MAP7D1: variants seen among roughly 807,000 people sequenced by gnomAD.
The protein encoded by MAP7D1 is MAP7 domain-containing protein 1.
A neutral mutation model predicts 97.5 loss-of-function variants in MAP7D1; 30 were observed. That is an observed-to-expected ratio of 0.31 (90% CI 0.23 to 0.42). The LOEUF is 0.42. MAP7D1 is among the 10% of genes least tolerant of loss of function. The pLI is 1.00. For synonymous variants in MAP7D1, 536 were observed against 477.1 expected (o/e 1.12, Z -1.61); for missense variants, 1,184 against 1,179.5 (o/e 1.00, Z -0.06).
intron 13 of MAP7D1, 78 bp downstream of exon 13, chr1:36,179,393 C>T: frequency 6.3e-7 from 1 of 1,585,976 alleles, no homozygotes; most frequent in South Asian, 1.1e-5. Context: ...GCATCCATGG[C>T]CACGGAGAGC....
chr1:36,172,466 G>A lies in MAP7D1; in HGVS notation c.463G>A (p.Ala155Thr), dbSNP rs1193917927. The A allele has an allele frequency of 3.2e-6, 5 of 1,572,982 alleles. No individual in the cohort carries two copies. In the South Asian group the frequency reaches 3.4e-5, roughly 11 times the overall value. The change falls in exon 4 of 17, where the codon GCC (alanine) becomes ACC (threonine). Residue 155 changes from alanine to threonine, a missense_variant and splice_region_variant. Ala to Thr is a moderately conservative substitution (Grantham distance 58). Transcript: ENST00000474796. ...CCACTGGGCTCCTTTGTCCACAGCG[G>A]CCAAGAAGGCAGTGTGGCTGGAGAA... ...RREERAKYLA[A>T]KKAVWLEKEE...
chr1:36,175,121 C>T (rs1644600519), intron 6 of MAP7D1, 113 bp downstream of exon 6: 5 of 698,162 alleles, frequency 7.2e-6, no homozygotes, highest in Non-Finnish European at 1.0e-5. Flanking sequence ...ACTCCAGGTC[C>T]CCATCCCCAC....
chr1:36,178,223 G>C (rs1246657458), intron 9 of MAP7D1, 22 bp downstream of exon 9: 2 of 1,528,458 alleles, frequency 1.3e-6, no homozygotes, highest in South Asian at 1.2e-5. Flanking sequence ...GAGAGGGGAG[G>C]GGTGGGCCGA....
chr1:36,162,189 G>A (rs886206569), intron 1 of MAP7D1, among the ~76,000 whole-genome samples: 1 of 152,040 alleles, frequency 6.6e-6, no homozygotes, highest in African/African-American at 2.4e-5. Flanking sequence ...CACCCCCCAC[G>A]CCACAACCAG....
rs1644624412 is a variant in MAP7D1, at chr1:36,176,484, T to G, written c.1136T>G (p.Val379Gly). 1.4e-6 allele frequency: 2 copies of G among 1,420,928 alleles called. No individual in the cohort carries two copies. Among genetic ancestry groups the G allele is most frequent in the Non-Finnish European group, 1.8e-6 (2 of 1,090,366 alleles). The allele number at this position is 1,420,928 out of a possible 1,614,324, so 88.0% of individuals were successfully genotyped here. A position where few individuals can be genotyped will look rare whatever the true frequency, so the allele number is the denominator to read the frequency against. Residue 379 changes from valine to glycine, a missense_variant, in exon 7 of 17, where the codon GTG (valine) becomes GGG (glycine). Coordinates refer to ENST00000474796, the MANE Select transcript of MAP7D1 (RefSeq NM_001388490.1). The surrounding 1 kb of genome is among the most constrained non-coding windows in gnomAD (Gnocchi z 6.1). ...ACGCCGTGCAGCGTCACCCGAAGCG[T>G]GCACCGCTGCGCCCCCGCCGGTGAG... ...PLTPCSVTRS[V>G]HRCAPAGERG...
chr1:36,169,459 G>C (rs1644513840), intron 1 of MAP7D1, among the ~76,000 whole-genome samples: 1 of 152,116 alleles, frequency 6.6e-6, no homozygotes, highest in African/African-American at 2.4e-5. Flanking sequence ...GGGAAGCTGA[G>C]GCAGGAGAAT....
At chr1:36,166,679 G>A (rs1019179566) in intron 1 of MAP7D1, among the ~76,000 whole-genome samples, 9 of 152,112 alleles carry the variant, frequency 5.9e-5, no homozygotes, top group Non-Finnish European at 1.2e-4. Flanking sequence ...GTGAGCCACC[G>A]CACCCGGCCA....
intron 1 of MAP7D1, 70 bp downstream of exon 1, chr1:36,156,533 C>T: frequency 7.8e-7 from 1 of 1,274,740 alleles, no homozygotes; most frequent in South Asian, 1.9e-5. Flanking sequence ...GAGGATGAGG[C>T]CGGCCGGCTG....
At chr1:36,175,112 C>A in intron 6 of MAP7D1, 104 bp downstream of exon 6, 1 of 679,828 alleles carries the variant, frequency 1.5e-6, no homozygotes, top group Non-Finnish European at 2.4e-6. Flanking sequence ...CCCTCACATA[C>A]TCCAGGTCCC....
At chr1:36,179,181 C>T (rs768163107) in intron 12 of MAP7D1, 81 bp from the exon 13 acceptor site, 1 of 1,555,036 alleles carries the variant, frequency 6.4e-7, no homozygotes, top group Non-Finnish European at 8.8e-7. Context: ...GGCCCTAAGA[C>T]TCCGAGGCCG....
Position 36,176,326 on chromosome 1 carries a change from G to A in MAP7D1, c.978G>A (p.Arg326=). ...CCCGCAACGGCCGGGACCAGGGTAG[G>A]GGCTGCGACCCTGGGAGAGGCCCCA... ...TLPRNGRDQG[R]GCDPGRGPTW... is the part of the protein sequence containing the mutation. Residue 326 remains arginine (R), a synonymous_variant, in exon 7 of 17, where the codon AGG becomes AGA. Coordinates refer to ENST00000474796, the MANE Select transcript of MAP7D1 (RefSeq NM_001388490.1). The surrounding 1 kb of genome is among the most constrained non-coding windows in gnomAD (Gnocchi z 6.1). 6.5e-7 allele frequency: 1 copy of A among 1,539,828 alleles called. No individual in the cohort carries two copies. Among genetic ancestry groups the A allele is most frequent in the East Asian group, 2.5e-5 (1 of 40,466 alleles).
At chr1:36,167,535 T>G (rs1644488027) in intron 1 of MAP7D1, among the ~76,000 whole-genome samples, 1 of 152,146 alleles carries the variant, frequency 6.6e-6, no homozygotes, top group Non-Finnish European at 1.5e-5. Flanking sequence ...GGGCAGGTGC[T>G]GCTTACCAAG....
At chr1:36,167,106 T>C (rs1331671191) in intron 1 of MAP7D1, among the ~76,000 whole-genome samples, 1 of 152,052 alleles carries the variant, frequency 6.6e-6, no homozygotes, top group Non-Finnish European at 1.5e-5. Flanking sequence ...TCAGCAGTGA[T>C]GGTATTTAAA....
At chr1:36,175,536 A>G (rs1187555132) in intron 6 of MAP7D1, among the ~76,000 whole-genome samples, 1 of 152,220 alleles carries the variant, frequency 6.6e-6, no homozygotes, top group Non-Finnish European at 1.5e-5. Flanking sequence ...TAGCCCCTGC[A>G]TTCCCACCAT....
Position 36,180,401 on chromosome 1 carries a change from A to T in MAP7D1, c.*143A>T. ...GTCCTCTCTGTTGTTTTTAATCTGC[A>T]CCTTATAGACTGATGTCTCTTTGGC... On this transcript the variant is annotated 3_prime_UTR_variant, in exon 17 of 17. Transcript: ENST00000474796. The T allele has an allele frequency of 9.2e-7, 1 of 1,090,712 alleles. No homozygotes were observed. The highest frequency in any genetic ancestry group is 1.4e-6 in the Non-Finnish European group (1 of 715,554). The allele number at this position is 1,090,712 out of a possible 1,614,324, so 67.6% of individuals were successfully genotyped here.
At position 36,178,461 on chromosome 1, in the gene MAP7D1, T is replaced by C; in HGVS notation, c.1751T>C (p.Val584Ala). Residue 584 changes from valine (V) to alanine (A), a missense_variant, in exon 10 of 17, where the codon GTG (valine) becomes GCG (alanine). Physicochemically the swap from Val to Ala is moderately conservative, Grantham distance 64. Coordinates refer to ENST00000474796, the MANE Select transcript of MAP7D1 (RefSeq NM_001388490.1). ...LTSPPAPAPP[V>A]TPSKPMAGTT... The stretch of plus-strand genomic sequence containing the variant: ...TCACCCCCAGCCCCTGCTCCCCCGG[T>C]GACCCCTAGCAAACCAATGGCCGGC... The C allele has an allele frequency of 1.2e-6, 2 of 1,611,374 alleles. No individual in the cohort carries two copies. The highest frequency in any genetic ancestry group is 8.5e-7 in the Non-Finnish European group (1 of 1,179,402).
chr1:36,180,512 C>T lies in MAP7D1; in HGVS notation c.*254C>T, dbSNP rs919898821. 1.8e-6 allele frequency: 1 copy of T among 553,682 alleles called. No homozygotes were observed. Among genetic ancestry groups the T allele is most frequent in the East Asian group, 3.1e-5 (1 of 32,088 alleles). 34.3% of individuals were successfully genotyped at this position (553,682 alleles called of 1,614,324 possible). On this transcript the variant is annotated 3_prime_UTR_variant, in exon 17 of 17. Transcript: ENST00000474796. ...CCCATACACACATATACACTCACAG[C>T]CTCTCTGGCCTCTTCCCTTGGGGAG...
At chr1:36,179,805 C>G (rs1475647208) in intron 15 of MAP7D1, 49 bp downstream of exon 15, 3 of 1,560,624 alleles carry the variant, frequency 1.9e-6, no homozygotes, top group East Asian at 2.3e-5. Flanking sequence ...CAGACTGCAG[C>G]TGGAGCTGCG....
chr1:36,180,211 G>C, intron 16 of MAP7D1, 37 bp from the exon 17 acceptor site: 1 of 1,614,066 alleles, frequency 6.2e-7, no homozygotes, highest in Middle Eastern at 1.7e-4. Context: ...CTTGAGTGCT[G>C]TTTGCCCTGA....
Sources: allele counts gnomAD v4.1 joint callset (sites outside exome capture counted in the v4.1 genomes callset), GRCh38; gene constraint gnomAD v4.1.1; non-coding constraint Gnocchi (gnomAD v3.1); transcripts MANE v1.5; gene names NCBI Gene and HGNC (gene_info 2026-07-23, HGNC 2026-07-21).